The following AKAP9 variants were observed in gnomAD, a reference collection of about 807,000 sequenced individuals.
The protein encoded by AKAP9 is A-kinase anchor protein 9.
In AKAP9, 311 loss-of-function variants were observed where a neutral mutation model predicts 488.5. The observed-to-expected ratio is 0.64, with a 90% confidence interval of 0.58 to 0.70. The LOEUF (loss-of-function observed/expected upper bound fraction) is 0.70, where lower values mean the gene tolerates loss of function less well. Among genes scored for constraint, AKAP9 ranks in the 30% least tolerant of loss-of-function variants. The pLI is 0.00. For synonymous variants in AKAP9, 1,462 were observed against 1,483.5 expected, an observed-to-expected ratio of 0.99 and a Z score of 0.33; for missense variants, 4,215 against 4,374.5, an observed-to-expected ratio of 0.96 and a Z score of 1.03.
chr7:92,060,966 T>C (rs912339218), intron 22 of AKAP9, among the ~76,000 whole-genome samples: 2 of 152,170 alleles, frequency 1.3e-5, no homozygotes, highest in Non-Finnish European at 2.9e-5. Context: ...TTCTTTTATA[T>C]GATAAAGTAC....
intron 2 of AKAP9, among the ~76,000 whole-genome samples, 195 bp from the exon 3 acceptor site, chr7:91,980,094 A>T (rs1320134423): frequency 1.3e-5 from 2 of 152,112 alleles, no homozygotes; most frequent in Non-Finnish European, 2.9e-5. Context: ...CTACTGGTAC[A>T]TTTTGGTTGC....
intron 3 of AKAP9, among the ~76,000 whole-genome samples, chr7:91,985,200 A>C: frequency 6.6e-6 from 1 of 152,306 alleles, no homozygotes; most frequent in East Asian, 1.9e-4. Context: ...TCAGTTTTCA[A>C]AGGGAATGCT....
chr7:92,051,918 T>A (rs749888366), intron 21 of AKAP9, among the ~76,000 whole-genome samples: 1 of 152,234 alleles, frequency 6.6e-6, no homozygotes, highest in Admixed American at 6.5e-5. Flanking sequence ...GAATAGCCTA[T>A]GCTTTTATTA....
chr7:92,101,172 C>A, intron 45 of AKAP9, 116 bp downstream of exon 45: 1 of 997,588 alleles, frequency 1.0e-6, no homozygotes, highest in South Asian at 1.7e-5. Flanking sequence ...CACAGTGGTT[C>A]ACGCCTATAG....
At chr7:92,063,643 A>G (rs758058263) in intron 24 of AKAP9, 1 of 251,910 alleles carries the variant, frequency 4.0e-6, no homozygotes, top group Non-Finnish European at 6.3e-6. Flanking sequence ...TCTCTTTAAC[A>G]ACAACAAATA....
intron 3 of AKAP9, among the ~76,000 whole-genome samples, chr7:91,991,577 T>C (rs1057269880): frequency 5.3e-5 from 8 of 151,806 alleles, no homozygotes; most frequent in African/African-American, 1.5e-4. Context: ...GTTCACGCCA[T>C]TCTCCTGCCT....
intron 39 of AKAP9, among the ~76,000 whole-genome samples, 197 bp from the exon 40 acceptor site, chr7:92,094,826 C>T (rs1224686230): frequency 2.6e-5 from 4 of 151,990 alleles, no homozygotes; most frequent in African/African-American, 9.7e-5. Context: ...AGCGAGACTC[C>T]GTCTCGAAAC....
intron 7 of AKAP9, among the ~76,000 whole-genome samples, chr7:91,999,866 A>C (rs1798922319): frequency 6.6e-6 from 1 of 151,908 alleles, no homozygotes. Context: ...TCATTCATTC[A>C]TTCATTCATT....
rs542045735 is a variant in AKAP9 at position 91,992,502 on chromosome 7, A to C, written c.405+291A>C. On this transcript the variant is annotated intron_variant, in intron 4 of 49. Coordinates refer to ENST00000356239, the MANE Select transcript of AKAP9 (RefSeq NM_005751.5). ...AACAAGGTGAAACCGCATCTCTACT[A>C]TAAGTACAAAAATTAGCCGGGCATG... Among the ~76,000 whole-genome samples the C allele has an allele frequency of 2.0e-5, 3 of 152,066 alleles. No individual in the cohort carries two copies. The East Asian group carries it at 5.8e-4, about 29-fold the overall frequency.
chr7:92,022,326 C>T lies in AKAP9; in HGVS notation c.3926C>T (p.Ser1309Phe). 6.2e-7 allele frequency: 1 copy of T among 1,611,296 alleles called. No individual in the cohort carries two copies. The highest frequency in any genetic ancestry group is 8.5e-7 in the Non-Finnish European group (1 of 1,177,596). The change falls in exon 13 of 50, where the codon TCT becomes TTT. Residue 1309 changes from serine to phenylalanine, a missense_variant. Coordinates refer to ENST00000356239, the MANE Select transcript of AKAP9 (RefSeq NM_005751.5). The stretch of plus-strand genomic sequence containing the variant: ...GAAACAGAGTTTTTATCAATCCATT[C>T]TCAGATGACCAATTTGGAAGACATT... ...KEETEFLSIHSQMTNLEDIDV... is the reference protein window; with the variant it reads ...KEETEFLSIHFQMTNLEDIDV...
At chr7:92,099,933 A>G in intron 44 of AKAP9, 64 bp downstream of exon 44, 4 of 1,531,372 alleles carry the variant, frequency 2.6e-6, no homozygotes, top group South Asian at 1.1e-5. Context: ...TCTGCTGTCT[A>G]GTTCAAGTTT....
intron 28 of AKAP9, 125 bp from the exon 29 acceptor site, chr7:92,076,730 C>A (rs1563096466): frequency 1.8e-6 from 1 of 564,640 alleles, no homozygotes; most frequent in Non-Finnish European, 3.0e-6. Context: ...AAACCACATT[C>A]CTTTATTCTT....
rs73403757 is a variant in AKAP9 at position 91,995,576 on chromosome 7, C to T, written c.733-27C>T. The T allele has an allele frequency of 4.0e-4, 640 of 1,605,842 alleles. 3 individuals are homozygous for T. In the African/African-American group the frequency reaches 7.9e-3, roughly 20 times the overall value. ...CTAATACAGTCACTTCAGAATTTAA[C>T]GTTTTGAGGTTTCTTTCTATTTTCA... On this transcript the variant is annotated intron_variant, in intron 6 of 49. Coordinates refer to ENST00000356239, the MANE Select transcript of AKAP9 (RefSeq NM_005751.5).
rs200146130 is a variant in AKAP9, at chr7:92,062,265, G to A, written c.5765-9G>A. 2.4e-5 allele frequency: 39 copies of A among 1,604,684 alleles called. No individual in the cohort carries two copies. Among genetic ancestry groups the A allele is most frequent in the Non-Finnish European group, 3.1e-5 (36 of 1,171,994 alleles). On this transcript the variant is annotated splice_polypyrimidine_tract_variant and intron_variant, in intron 23 of 49. Transcript: ENST00000356239. Reference sequence around the variant, plus strand: ...AATAGTTCTATTTTCTGTTAATTTTGTATTATAGGCGTCATTGATGGCTAT... The same window carrying A: ...AATAGTTCTATTTTCTGTTAATTTTATATTATAGGCGTCATTGATGGCTAT...
intron 8 of AKAP9, among the ~76,000 whole-genome samples, chr7:92,007,280 T>TC (rs539680630): frequency 8.3e-6 from 1 of 119,864 alleles, no homozygotes; most frequent in East Asian, 2.6e-4. Flanking sequence ...GAACTGAAAT[T>TC]CTTTTTTTTT....
chr7:92,046,962 A>G (rs1311046999), intron 21 of AKAP9, among the ~76,000 whole-genome samples: 2 of 152,166 alleles, frequency 1.3e-5, no homozygotes, highest in South Asian at 4.2e-4. Context: ...ATACTTCTCA[A>G]CATGGCTGCC....
At chr7:92,092,161 A>G (rs913628223) in intron 38 of AKAP9, 8 of 152,360 alleles carry the variant, frequency 5.3e-5, no homozygotes, top group Middle Eastern at 3.4e-3. Flanking sequence ...GAATCCTGAT[A>G]CATATTTTAT....
rs746066785 is a variant in AKAP9, at chr7:92,038,666, T to C, written c.4586T>C (p.Leu1529Ser). 3.7e-6 allele frequency: 6 copies of C among 1,610,402 alleles called. No homozygotes were observed. Among genetic ancestry groups the C allele is most frequent in the Non-Finnish European group, 5.1e-6 (6 of 1,178,314 alleles). ...TTAGGAGAACATGGAAAGGAAATTT[T>C]ATTATCAAATAGTGATCCCCATGAT... Reference protein sequence around the residue: ...KELGEHGKEILLSNSDPHDIP... With the variant: ...KELGEHGKEISLSNSDPHDIP... Residue 1529 changes from leucine to serine, a missense_variant, in exon 17 of 50, where the codon TTA (leucine) becomes TCA (serine). Leu to Ser is a moderately radical substitution (Grantham distance 145). Around this residue, in one of 5 missense-constraint regions of AKAP9, gnomAD observed 2,361 missense variants for 2,430.0 expected, o/e 0.97. Coordinates refer to ENST00000356239, the MANE Select transcript of AKAP9 (RefSeq NM_005751.5).
chr7:92,002,838 GT>G lies in AKAP9; in HGVS notation c.2925del (p.Leu976Ter). The G allele has an allele frequency of 6.2e-7, 1 of 1,613,482 alleles. No homozygotes were observed. The highest frequency in any genetic ancestry group is 8.5e-7 in the Non-Finnish European group (1 of 1,179,668). ...EQLKQKHGEI[S>X]FLNEEVKSLK... ...TTGAAACAGAAACATGGTGAGATTA[GT>G]TTTCTAAATGAAGAAGTTAAATCTT... On this transcript the variant is annotated frameshift_variant, in exon 8 of 50. Transcript: ENST00000356239. LOFTEE classifies it high-confidence loss of function.
Sources: gnomAD v4.1 joint callset for allele counts (sites outside exome capture counted in the v4.1 genomes callset) on GRCh38, gnomAD v4.1.1 for gene constraint, gnomAD v4.1.1 regional missense constraint, MANE v1.5 for transcripts, NCBI Gene and HGNC (gene_info 2026-07-23, HGNC 2026-07-21) for gene names.